The following SGCD variants were observed in gnomAD, a reference collection of about 807,000 sequenced individuals.
SGCD encodes delta-sarcoglycan.
SGCD carries 18 observed loss-of-function variants against 36.6 expected under a neutral mutation model. The observed-to-expected ratio is 0.49, with a 90% CI of 0.34 to 0.73. SGCD has a LOEUF of 0.73. Ranked by LOEUF, SGCD falls within the 30% of genes least tolerant of loss-of-function variation. SGCD has a pLI of 0.01. For synonymous variants in SGCD, 133 were observed against 130.6 expected (o/e 1.02, Z -0.12); for missense variants, 387 against 346.7 (o/e 1.12, Z -0.92).
the SGCD span, among the ~76,000 whole-genome samples, chr5:155,820,977 G>T: frequency 2.0e-5 from 3 of 151,882 alleles, no homozygotes; most frequent in Non-Finnish European, 4.4e-5. Context: ...AGCTTGTTTT[G>T]GGGCTTCGAT....
chr5:156,376,577 AC>A (rs1235005183), intron 3 of SGCD, among the ~76,000 whole-genome samples: 3 of 152,208 alleles, frequency 2.0e-5, no homozygotes, highest in Non-Finnish European at 4.4e-5. Flanking sequence ...AGATAAATAT[AC>A]CCATTTACAA....
intron 1 of SGCD, among the ~76,000 whole-genome samples, chr5:155,919,123 C>G (rs772236564): frequency 7.9e-5 from 12 of 152,122 alleles, no homozygotes; most frequent in Non-Finnish European, 1.8e-4. Flanking sequence ...TGACAGGCAT[C>G]GAGAAAACTA....
chr5:155,885,252 G>C (rs1246739630), intron 1 of SGCD, among the ~76,000 whole-genome samples: 1 of 115,898 alleles, frequency 8.6e-6, no homozygotes, highest in East Asian at 2.2e-4. Flanking sequence ...AAAGGACAGA[G>C]TTCCTGCTTT....
intron 3 of SGCD, among the ~76,000 whole-genome samples, chr5:156,345,439 T>C (rs1441879215): frequency 1.3e-5 from 2 of 152,204 alleles, no homozygotes; most frequent in African/African-American, 2.4e-5. Context: ...GTCTAGCTCA[T>C]TAATGAGGAA....
At chr5:156,557,723 C>T (rs964078261) in intron 4 of SGCD, among the ~76,000 whole-genome samples, 6 of 152,020 alleles carry the variant, frequency 3.9e-5, no homozygotes, top group African/African-American at 1.2e-4. Context: ...AACAGAGTAG[C>T]CCTGCCTCCA....
At chr5:155,812,505 C>T in the SGCD span, among the ~76,000 whole-genome samples, 2 of 152,092 alleles carry the variant, frequency 1.3e-5, no homozygotes, top group African/African-American at 4.8e-5. Flanking sequence ...AGGGGGTCTC[C>T]CTACACTTAG....
At chr5:156,262,079 A>G (rs1219421187) in intron 3 of SGCD, among the ~76,000 whole-genome samples, 1 of 152,150 alleles carries the variant, frequency 6.6e-6, no homozygotes, top group Non-Finnish European at 1.5e-5. Context: ...GATATTTGTA[A>G]TAAATGTAGC....
chr5:156,307,292 C>T (rs1767242479), intron 3 of SGCD, among the ~76,000 whole-genome samples: 1 of 152,138 alleles, frequency 6.6e-6, no homozygotes, highest in African/African-American at 2.4e-5. Context: ...GTGATCCATC[C>T]ACCTTGGCCT....
At chr5:156,228,083 G>T (rs1764902809) in intron 3 of SGCD, among the ~76,000 whole-genome samples, 1 of 152,114 alleles carries the variant, frequency 6.6e-6, no homozygotes, top group East Asian at 1.9e-4. Flanking sequence ...CTTGGAGAAA[G>T]TTCCATGTGC....
intron 3 of SGCD, among the ~76,000 whole-genome samples, chr5:156,305,343 G>A (rs747597495): frequency 6.6e-5 from 10 of 152,168 alleles, no homozygotes; most frequent in Non-Finnish European, 1.3e-4. Flanking sequence ...TGGCTGAAAG[G>A]GGCCAACATA....
chr5:156,353,134 C>G (rs1769337164), intron 3 of SGCD, among the ~76,000 whole-genome samples: 1 of 152,178 alleles, frequency 6.6e-6, no homozygotes, highest in South Asian at 2.1e-4. Flanking sequence ...TTTGAGTAAG[C>G]TCAAGGAACT....
chr5:155,838,788 A>C, the SGCD span, among the ~76,000 whole-genome samples: 11 of 151,450 alleles, frequency 7.3e-5, no homozygotes, highest in Non-Finnish European at 1.6e-4. Flanking sequence ...AAAAAAAAAA[A>C]AAAACAATTC....
chr5:156,434,080 C>A (rs1469117368), intron 3 of SGCD, among the ~76,000 whole-genome samples: 1 of 152,226 alleles, frequency 6.6e-6, no homozygotes, highest in East Asian at 1.9e-4. Flanking sequence ...GGCCACGTGC[C>A]ACTCCTGCAG....
intron 7 of SGCD, among the ~76,000 whole-genome samples, chr5:156,653,508 T>TTTTTTTTTTTTTTTTTTC (rs1763553425): frequency 7.1e-6 from 1 of 141,358 alleles, no homozygotes; most frequent in African/African-American, 2.7e-5. Flanking sequence ...TTTTTTTTTT[T>TTTTTTTTTTTTTTTTTTC]GCCCCTGTTG....
chr5:156,335,846 G>A (rs1768326012), intron 2 of SGCD, among the ~76,000 whole-genome samples: 1 of 152,106 alleles, frequency 6.6e-6, no homozygotes, highest in South Asian at 2.1e-4. Flanking sequence ...CAACTCCCCA[G>A]CTTCTCACCC....
At chr5:156,753,863 G>A (rs1021885526) in intron 7 of SGCD, among the ~76,000 whole-genome samples, 1 of 152,142 alleles carries the variant, frequency 6.6e-6, no homozygotes. Flanking sequence ...AATTCAAGAT[G>A]AGATTTGGGT....
At chr5:156,627,878 G>A (rs867556363) in intron 6 of SGCD, among the ~76,000 whole-genome samples, 1 of 152,128 alleles carries the variant, frequency 6.6e-6, no homozygotes, top group Admixed American at 6.6e-5. Flanking sequence ...TTTGTGATAT[G>A]GAAAGACTGC....
At chr5:155,810,630 G>T in the SGCD span, among the ~76,000 whole-genome samples, 1 of 151,844 alleles carries the variant, frequency 6.6e-6, no homozygotes, top group Non-Finnish European at 1.5e-5. Flanking sequence ...GCTAAATGTT[G>T]ATAAAATTCA....
intron 1 of SGCD, among the ~76,000 whole-genome samples, chr5:156,077,324 C>T (rs1647588694): frequency 6.6e-6 from 1 of 152,152 alleles, no homozygotes; most frequent in South Asian, 2.1e-4. Context: ...TTACCCATTT[C>T]CCCCTCTTCT....
Sources: gnomAD v4.1 joint callset for allele counts (sites outside exome capture counted in the v4.1 genomes callset) on GRCh38, gnomAD v4.1.1 for gene constraint, MANE v1.5 for transcripts, NCBI Gene and HGNC (gene_info 2026-07-23, HGNC 2026-07-21) for gene names.